Variants in SUCLG2 observed in about 807,000 individuals in gnomAD.
SUCLG2 encodes succinate-CoA ligase GDP-forming subunit beta, also known as succinate--CoA ligase [GDP-forming] subunit beta, mitochondrial.
Under a neutral mutation model 47.9 loss-of-function variants are expected in SUCLG2, and 42 were observed. The observed-to-expected ratio is 0.88, with a 90% CI of 0.69 to 1.14. The LOEUF is 1.14. Ranked by LOEUF, SUCLG2 falls within the 50% of genes most tolerant of loss-of-function variation. SUCLG2 has a pLI of 0.00. For missense variants in SUCLG2, 571 were observed against 525.9 expected, an observed-to-expected ratio of 1.09 and a Z score of -0.84; for synonymous variants, 195 against 197.3, an observed-to-expected ratio of 0.99 and a Z score of 0.10.
At chr3:67,558,783 C>A (rs1000558928) in intron 2 of SUCLG2, among the ~76,000 whole-genome samples, 2 of 152,136 alleles carry the variant, frequency 1.3e-5, no homozygotes, top group Non-Finnish European at 2.9e-5. Context: ...CTGAGGAGGG[C>A]TGGAGAAAGG....
At chr3:67,405,236 G>C (rs975701342) in intron 9 of SUCLG2, among the ~76,000 whole-genome samples, 2 of 152,136 alleles carry the variant, frequency 1.3e-5, no homozygotes, top group African/African-American at 4.8e-5. Flanking sequence ...TGGTCAGGCA[G>C]TCCATACACA....
chr3:67,461,683 CT>C (rs1421107334), intron 9 of SUCLG2, among the ~76,000 whole-genome samples: 1 of 151,944 alleles, frequency 6.6e-6, no homozygotes, highest in African/African-American at 2.4e-5. Flanking sequence ...CATCCCTGAC[CT>C]CTTCCTGCCA....
intron 2 of SUCLG2, among the ~76,000 whole-genome samples, chr3:67,590,214 A>G (rs1424180638): frequency 6.6e-6 from 1 of 152,212 alleles, no homozygotes; most frequent in Non-Finnish European, 1.5e-5. Context: ...ACATACAAAT[A>G]AAAAACATAA....
intron 6 of SUCLG2, chr3:67,514,036 C>A: frequency 2.8e-6 from 1 of 356,134 alleles, no homozygotes; most frequent in South Asian, 2.4e-5. Context: ...CCAGCAGGCG[C>A]AAGCCGAGCG....
downstream of SUCLG2, among the ~76,000 whole-genome samples, chr3:67,373,642 C>T (rs530358153): frequency 2.6e-3 from 395 of 152,260 alleles, no homozygotes; most frequent in Non-Finnish European, 3.7e-3. Flanking sequence ...AAACTGATCA[C>T]TGGAGTCATA....
rs1308427548 is a variant in SUCLG2 at position 67,439,366 on chromosome 3, T to C, written c.1063-38515A>G. Among the ~76,000 whole-genome samples, 8 of 152,242 alleles carry C rather than the reference T, an allele frequency of 5.3e-5. No homozygotes were observed. The East Asian group carries it at 1.3e-3, about 26-fold the overall frequency. The stretch of plus-strand genomic sequence containing the variant: ...CCTCTCTCACCACTCCTATTCAACA[T>C]AGTATTGGAAGTTCCGGCCAGGGCA... On this transcript the variant is annotated intron_variant, in intron 9 of 10. Coordinates refer to ENST00000307227, the MANE Select transcript of SUCLG2 (RefSeq NM_003848.4).
At chr3:67,548,535 C>T (rs978702594) in intron 2 of SUCLG2, among the ~76,000 whole-genome samples, 10 of 152,060 alleles carry the variant, frequency 6.6e-5, no homozygotes, top group Non-Finnish European at 1.5e-4. Flanking sequence ...TTATAATAAA[C>T]ATTAAGAACC....
chr3:67,558,238 T>C (rs1438254805), intron 2 of SUCLG2, among the ~76,000 whole-genome samples: 2 of 151,880 alleles, frequency 1.3e-5, no homozygotes, highest in Non-Finnish European at 2.9e-5. Flanking sequence ...ATTTTCCATA[T>C]GCACATGCAG....
At chr3:67,635,451 GAC>G (rs1173031363) in intron 1 of SUCLG2, among the ~76,000 whole-genome samples, 1 of 152,202 alleles carries the variant, frequency 6.6e-6, no homozygotes, top group Non-Finnish European at 1.5e-5. Context: ...ATTCATGGGT[GAC>G]ACATATTCAG....
At chr3:67,562,091 C>T (rs570494921) in intron 2 of SUCLG2, among the ~76,000 whole-genome samples, 1 of 152,226 alleles carries the variant, frequency 6.6e-6, no homozygotes, top group Admixed American at 6.5e-5. Flanking sequence ...AGAGGATGAA[C>T]GACTACTGTA....
intron 1 of SUCLG2, among the ~76,000 whole-genome samples, chr3:67,639,134 T>C (rs1701055644): frequency 6.6e-6 from 1 of 152,200 alleles, no homozygotes; most frequent in Non-Finnish European, 1.5e-5. Flanking sequence ...AAGAAAGCTC[T>C]GTCAAGGCTT....
At chr3:67,639,823 G>C (rs577431424) in intron 1 of SUCLG2, among the ~76,000 whole-genome samples, 233 of 152,216 alleles carry the variant, frequency 1.5e-3, no homozygotes, top group African/African-American at 5.4e-3. Context: ...CTTTTCTCAG[G>C]ATGTGTGACC....
At chr3:67,410,516 G>C (rs1041685648) in intron 9 of SUCLG2, among the ~76,000 whole-genome samples, 1 of 152,196 alleles carries the variant, frequency 6.6e-6, no homozygotes, top group Non-Finnish European at 1.5e-5. Context: ...TACAGCCATA[G>C]TTCCCGTATC....
chr3:67,536,270 G>A (rs555220281), intron 2 of SUCLG2, among the ~76,000 whole-genome samples: 1 of 152,262 alleles, frequency 6.6e-6, no homozygotes, highest in African/African-American at 2.4e-5. Context: ...CTGTCTGGCT[G>A]CACCTATATT....
chr3:67,579,904 T>A (rs1259296523), intron 2 of SUCLG2, among the ~76,000 whole-genome samples: 1 of 151,946 alleles, frequency 6.6e-6, no homozygotes, highest in Non-Finnish European at 1.5e-5. Context: ...CTGAGATACA[T>A]AAACAGAAAG....
At chr3:67,449,708 A>C (rs1419598162) in intron 9 of SUCLG2, among the ~76,000 whole-genome samples, 1 of 151,280 alleles carries the variant, frequency 6.6e-6, no homozygotes, top group Non-Finnish European at 1.5e-5. Context: ...TCTACCTCCC[A>C]GGTTCAAGCA....
chr3:67,466,338 G>A (rs181528943), intron 9 of SUCLG2, among the ~76,000 whole-genome samples: 62 of 152,270 alleles, frequency 4.1e-4, no homozygotes, highest in African/African-American at 1.3e-3. Context: ...AGGTGAGAGT[G>A]AGACTTTGTC....
At chr3:67,615,708 T>A (rs966106529) in intron 1 of SUCLG2, among the ~76,000 whole-genome samples, 3 of 151,378 alleles carry the variant, frequency 2.0e-5, no homozygotes, top group African/African-American at 7.3e-5. Flanking sequence ...TCAGATACTA[T>A]CCTTACAACA....
intron 2 of SUCLG2, among the ~76,000 whole-genome samples, chr3:67,533,667 T>C (rs751027788): frequency 6.6e-5 from 10 of 152,146 alleles, no homozygotes; most frequent in Non-Finnish European, 1.5e-4. Context: ...TTGGTGCCAA[T>C]TTCTCAAAGG....
Sources: allele counts gnomAD v4.1 joint callset (sites outside exome capture counted in the v4.1 genomes callset), GRCh38; gene constraint gnomAD v4.1.1; transcripts MANE v1.5; gene names NCBI Gene and HGNC (gene_info 2026-07-23, HGNC 2026-07-21).